NHSL1: variants seen among roughly 807,000 people sequenced by gnomAD.
NHSL1 encodes the protein NHS like 1.
Under a neutral mutation model 95.0 loss-of-function variants are expected in NHSL1, and 48 were observed. The ratio of observed to expected loss-of-function variants is 0.51; its 90% CI spans 0.40 to 0.64. NHSL1 has a LOEUF of 0.64. Ranked by LOEUF, NHSL1 falls within the 30% of genes least tolerant of loss-of-function variation. The pLI is 0.00. For synonymous variants in NHSL1, 783 were observed against 833.9 expected (o/e 0.94, Z 1.05); for missense variants, 1,971 against 2,077.7 (o/e 0.95, Z 1.00).
intron 7 of NHSL1, among the ~76,000 whole-genome samples, chr6:138,427,358 C>G (rs1025619976): frequency 6.6e-6 from 1 of 151,634 alleles, no homozygotes; most frequent in South Asian, 2.1e-4. Flanking sequence ...GAGAATCATT[C>G]GAATCTGGGA....
intron 5 of NHSL1, among the ~76,000 whole-genome samples, chr6:138,437,447 A>ACACAC (rs1562271038): frequency 2.6e-5 from 3 of 113,832 alleles, no homozygotes; most frequent in Non-Finnish European, 3.5e-5. Flanking sequence ...CACACACACA[A>ACACAC]AAAAAAAAAA....
At chr6:138,627,315 T>G (rs1166512054) in intron 1 of NHSL1, among the ~76,000 whole-genome samples, 1 of 152,194 alleles carries the variant, frequency 6.6e-6, no homozygotes, top group Non-Finnish European at 1.5e-5. Context: ...CACAAAAAGT[T>G]TTTTTATATG....
chr6:138,539,232 C>A (rs1490658887), intron 1 of NHSL1, among the ~76,000 whole-genome samples: 1 of 152,070 alleles, frequency 6.6e-6, no homozygotes, highest in Non-Finnish European at 1.5e-5. Flanking sequence ...TTAAGACTAC[C>A]CATCTTCCAC....
intron 3 of NHSL1, among the ~76,000 whole-genome samples, chr6:138,460,997 T>C (rs1280085273): frequency 6.6e-6 from 1 of 151,964 alleles, no homozygotes; most frequent in Non-Finnish European, 1.5e-5. Flanking sequence ...GAATTGAGGT[T>C]TCAAAGGTGT....
chr6:138,437,443 CACAA>C (rs1483955882), intron 5 of NHSL1, among the ~76,000 whole-genome samples: 1,428 of 41,564 alleles, frequency 0.034, 66 homozygotes, highest in South Asian at 0.048. Context: ...CACACACACA[CACAA>C]AAAAAAAAAA....
chr6:138,600,260 T>C (rs952257868), intron 1 of NHSL1, among the ~76,000 whole-genome samples: 1 of 152,208 alleles, frequency 6.6e-6, no homozygotes, highest in Non-Finnish European at 1.5e-5. Context: ...TCGAGACCAG[T>C]TCTCACTCTA....
rs188999572 is a variant in NHSL1 at position 138,671,307 on chromosome 6, G to A, written c.96+21169C>T. ...CCCCGTCTCTACTAAAAAATTAGCC[G>A]GGCATGATGACGTGCGCCTGTAATC... On this transcript the variant is annotated intron_variant, in intron 1 of 3. Transcript: ENST00000491526. 1.8e-3 allele frequency among the ~76,000 whole-genome samples: 273 copies of A among 151,702 alleles called. 3 individuals are homozygous for A. Among genetic ancestry groups the A allele is most frequent in the East Asian group, 0.015 (75 of 5,102 alleles).
chr6:138,486,488 A>C (rs112533988), intron 2 of NHSL1, among the ~76,000 whole-genome samples: 10,322 of 152,058 alleles, frequency 0.068, 405 homozygotes, highest in Non-Finnish European at 0.087. Context: ...CGCCATGATG[A>C]CTGCCTCATC....
chr6:138,570,539 A>G (rs950259363), intron 1 of NHSL1, among the ~76,000 whole-genome samples: 1 of 152,238 alleles, frequency 6.6e-6, no homozygotes, highest in Admixed American at 6.5e-5. Context: ...TTGTTGATAC[A>G]ATAAACAACT....
At chr6:138,570,256 G>A (rs892018368) in intron 1 of NHSL1, among the ~76,000 whole-genome samples, 3 of 152,164 alleles carry the variant, frequency 2.0e-5, no homozygotes, top group Non-Finnish European at 2.9e-5. Flanking sequence ...GCAACCTTTG[G>A]CAAAGCCCAA....
intron 1 of NHSL1, among the ~76,000 whole-genome samples, chr6:138,638,463 A>T (rs1784916967): frequency 6.6e-6 from 1 of 152,216 alleles, no homozygotes; most frequent in South Asian, 2.1e-4. Context: ...ATAAACATAT[A>T]CACTTACTAT....
intron 1 of NHSL1, among the ~76,000 whole-genome samples, chr6:138,605,950 A>G (rs555023414): frequency 1.3e-5 from 2 of 152,316 alleles, no homozygotes; most frequent in South Asian, 4.1e-4. Flanking sequence ...CATATCCTTG[A>G]ACAGCTCACT....
chr6:138,693,069 G>C (rs372715366), upstream of NHSL1, among the ~76,000 whole-genome samples: 68 of 151,588 alleles, frequency 4.5e-4, 1 homozygote, highest in East Asian at 9.2e-3. This position sits in a 1 kb window ranked among gnomAD's most constrained non-coding sequence, Gnocchi z 4.3. Flanking sequence ...GAAGTTCCAG[G>C]GGCAGCTCTG....
intron 1 of NHSL1, among the ~76,000 whole-genome samples, chr6:138,614,779 AGCG>A (rs1784556853): frequency 6.6e-6 from 1 of 152,186 alleles, no homozygotes; most frequent in Admixed American, 6.5e-5. Flanking sequence ...CTGTCGGATC[AGCG>A]GCGGCATCAG....
chr6:138,655,554 C>G (rs1267426351), intron 1 of NHSL1, among the ~76,000 whole-genome samples: 1 of 152,190 alleles, frequency 6.6e-6, no homozygotes, highest in Admixed American at 6.5e-5. Flanking sequence ...TGACTTTTAA[C>G]TAGTTTACAA....
intron 2 of NHSL1, among the ~76,000 whole-genome samples, chr6:138,484,931 ATTAAT>A (rs1390625397): frequency 1.3e-5 from 2 of 152,238 alleles, no homozygotes; most frequent in Non-Finnish European, 2.9e-5. Context: ...ACATGCCCAG[ATTAAT>A]TTAAGAAGCC....
chr6:138,668,830 G>A (rs1446897934), intron 1 of NHSL1, among the ~76,000 whole-genome samples: 1 of 151,990 alleles, frequency 6.6e-6, no homozygotes, highest in African/African-American at 2.4e-5. Context: ...CACCATGTTG[G>A]CCAGGATGGT....
chr6:138,441,304 A>T (rs989704033), intron 5 of NHSL1, among the ~76,000 whole-genome samples: 3 of 152,178 alleles, frequency 2.0e-5, no homozygotes, highest in African/African-American at 7.2e-5. Context: ...GAAAACAGTG[A>T]GAGGAAGTTA....
chr6:138,527,117 G>A (rs573487053), intron 1 of NHSL1, among the ~76,000 whole-genome samples: 2 of 152,114 alleles, frequency 1.3e-5, no homozygotes, highest in Admixed American at 6.5e-5. Context: ...ACACAAATCC[G>A]AGCCGTCGCT....
Sources: allele counts gnomAD v4.1 joint callset (sites outside exome capture counted in the v4.1 genomes callset), GRCh38; gene constraint gnomAD v4.1.1; non-coding constraint Gnocchi (gnomAD v3.1); transcripts MANE v1.5; gene names NCBI Gene and HGNC (gene_info 2026-07-23, HGNC 2026-07-21).